REDIC1: variants seen among roughly 807,000 people sequenced by gnomAD.
REDIC1 encodes the protein regulator of DNA class I crossover intermediates 1.
At chr12:39,626,231 C>T in the REDIC1 span, 2 of 1,266,098 alleles carry the variant, frequency 1.6e-6, no homozygotes, top group South Asian at 2.6e-5. Context: ...CGGGCCCTGA[C>T]GTTGTCAGGA....
chr12:39,641,042 CCTTGAAGTG>C, the REDIC1 span: 8 of 1,445,732 alleles, frequency 5.5e-6, no homozygotes, highest in South Asian at 9.3e-5. Flanking sequence ...AGACTAATAA[CCTTGAAGTG>C]CTTTTCTACC....
chr12:39,886,435 A>G, the REDIC1 span, among the ~76,000 whole-genome samples: 1 of 152,170 alleles, frequency 6.6e-6, no homozygotes, highest in East Asian at 1.9e-4. Flanking sequence ...ATCTATATGT[A>G]TATATGAAGT....
chr12:39,691,986 G>T, the REDIC1 span: 1 of 1,371,418 alleles, frequency 7.3e-7, no homozygotes, highest in South Asian at 1.4e-5. Context: ...TGTAAATAAG[G>T]TAGATATAAG....
At chr12:39,803,860 C>G in the REDIC1 span, among the ~76,000 whole-genome samples, 1 of 151,794 alleles carries the variant, frequency 6.6e-6, no homozygotes, top group East Asian at 1.9e-4. Flanking sequence ...TGATGGAAAA[C>G]AAGAATCTTC....
chr12:39,759,738 T>C, the REDIC1 span: 44,235 of 310,660 alleles, frequency 0.14, 3,952 homozygotes, highest in East Asian at 0.36. Context: ...ACCACTGAAG[T>C]CACTGGGTAC....
chr12:39,753,808 C>T, the REDIC1 span, among the ~76,000 whole-genome samples: 6 of 152,278 alleles, frequency 3.9e-5, 1 homozygote, highest in Middle Eastern at 3.4e-3. Flanking sequence ...TCACTACACA[C>T]AAGTGAGGTA....
chr12:39,658,148 T>C, the REDIC1 span, among the ~76,000 whole-genome samples: 3 of 152,064 alleles, frequency 2.0e-5, no homozygotes, highest in East Asian at 3.9e-4. Context: ...TGGTGTGATG[T>C]TGGCTCACTG....
At chr12:39,664,346 C>A in the REDIC1 span, among the ~76,000 whole-genome samples, 6 of 151,396 alleles carry the variant, frequency 4.0e-5, no homozygotes, top group Admixed American at 2.6e-4. Flanking sequence ...TGTCCTTGCG[C>A]TAGTTTGCTG....
the REDIC1 span, among the ~76,000 whole-genome samples, chr12:39,697,184 C>A: frequency 6.6e-6 from 1 of 152,150 alleles, no homozygotes; most frequent in Admixed American, 6.5e-5. Context: ...GCAGTGGAAG[C>A]CTTACAAGCC....
At chr12:39,658,698 C>A in the REDIC1 span, among the ~76,000 whole-genome samples, 3 of 152,016 alleles carry the variant, frequency 2.0e-5, no homozygotes, top group Non-Finnish European at 4.4e-5. Flanking sequence ...TTTATGACTT[C>A]TTTTCATCTC....
chr12:39,662,526 T>C, the REDIC1 span, among the ~76,000 whole-genome samples: 2 of 152,036 alleles, frequency 1.3e-5, no homozygotes, highest in South Asian at 2.1e-4. Flanking sequence ...AGAGCTTTTT[T>C]TTTTGGTGGA....
At chr12:39,728,377 CT>C in the REDIC1 span, among the ~76,000 whole-genome samples, 2 of 151,742 alleles carry the variant, frequency 1.3e-5, no homozygotes, top group Non-Finnish European at 1.5e-5. Flanking sequence ...TATTGAAGGC[CT>C]TTTTTTGCAT....
chr12:39,685,915 CCA>C, the REDIC1 span, among the ~76,000 whole-genome samples: 1 of 152,212 alleles, frequency 6.6e-6, no homozygotes, highest in Non-Finnish European at 1.5e-5. Flanking sequence ...AGTCTGAAAC[CCA>C]ACAGGGCAGT....
At chr12:39,800,025 A>T in the REDIC1 span, among the ~76,000 whole-genome samples, 1 of 152,188 alleles carries the variant, frequency 6.6e-6, no homozygotes, top group Non-Finnish European at 1.5e-5. Flanking sequence ...AGTTCAATGA[A>T]AAGCAGATTT....
the REDIC1 span, among the ~76,000 whole-genome samples, chr12:39,880,146 C>G: frequency 5.9e-5 from 9 of 152,292 alleles, no homozygotes; most frequent in African/African-American, 2.2e-4. Context: ...TCCCCAGAAG[C>G]TGGGCAGATG....
chr12:39,896,365 T>G, the REDIC1 span, among the ~76,000 whole-genome samples: 1 of 142,076 alleles, frequency 7.0e-6, no homozygotes, highest in South Asian at 2.2e-4. Flanking sequence ...TATGTGTATA[T>G]ATGTATACAT....
the REDIC1 span, among the ~76,000 whole-genome samples, chr12:39,811,313 T>C: frequency 6.6e-6 from 1 of 152,070 alleles, no homozygotes; most frequent in African/African-American, 2.4e-5. Flanking sequence ...TATTTTATTG[T>C]TTCCTACTAC....
chr12:39,776,840 G>GTGA, the REDIC1 span, among the ~76,000 whole-genome samples: 5 of 152,134 alleles, frequency 3.3e-5, no homozygotes, highest in African/African-American at 1.2e-4. Flanking sequence ...TTATAACAAA[G>GTGA]TGATGGCTAG....
At chr12:39,859,759 TTGGTGA>T in the REDIC1 span, among the ~76,000 whole-genome samples, 1 of 152,068 alleles carries the variant, frequency 6.6e-6, no homozygotes, top group Non-Finnish European at 1.5e-5. Context: ...ACTGCTGACC[TTGGTGA>T]TCCGCCTGAC....
Sources: gnomAD v4.1 joint callset for allele counts (sites outside exome capture counted in the v4.1 genomes callset) on GRCh38, gnomAD v4.1.1 for gene constraint, MANE v1.5 for transcripts, NCBI Gene and HGNC (gene_info 2026-07-23, HGNC 2026-07-21) for gene names.